Variants in CREB5 observed in about 807,000 individuals in gnomAD.
CREB5 encodes cAMP responsive element binding protein 5.
A neutral mutation model predicts 57.1 loss-of-function variants in CREB5; 19 were observed. The observed-to-expected ratio is 0.33, with a 90% confidence interval of 0.23 to 0.49. The LOEUF is 0.49. CREB5 is among the 20% of genes least tolerant of loss of function. The pLI is 0.99. For synonymous variants in CREB5, 238 were observed against 238.3 expected (o/e 1.00, Z 0.01); for missense variants, 579 against 671.6 (o/e 0.86, Z 1.52).
chr7:28,448,080 C>T (rs1402149787), intron 1 of CREB5, among the ~76,000 whole-genome samples: 1 of 152,128 alleles, frequency 6.6e-6, no homozygotes, highest in Non-Finnish European at 1.5e-5. Flanking sequence ...ATCTGGTGGG[C>T]ACAATCTAAT....
At chr7:28,389,040 C>G (rs568763764) in intron 1 of CREB5, among the ~76,000 whole-genome samples, 1 of 152,234 alleles carries the variant, frequency 6.6e-6, no homozygotes, top group African/African-American at 2.4e-5. Context: ...TGGAGAGGAA[C>G]TATTTGTAGT....
At chr7:28,572,037 T>A (rs1795725422) in intron 5 of CREB5, among the ~76,000 whole-genome samples, 1 of 152,204 alleles carries the variant, frequency 6.6e-6, no homozygotes, top group Admixed American at 6.5e-5. Flanking sequence ...TTCCCTCTTG[T>A]TTTTCGGTGT....
chr7:28,367,481 A>G (rs1280059693), intron 1 of CREB5, among the ~76,000 whole-genome samples: 1 of 152,124 alleles, frequency 6.6e-6, no homozygotes, highest in Non-Finnish European at 1.5e-5. Flanking sequence ...CTTTTTCATC[A>G]CTTCCTACAG....
intron 4 of CREB5, among the ~76,000 whole-genome samples, chr7:28,531,522 G>T (rs1583586293): frequency 6.6e-6 from 1 of 152,058 alleles, no homozygotes; most frequent in South Asian, 2.1e-4. Context: ...ACCCTCCTCC[G>T]GAATGACCTC....
Position 28,535,177 on chromosome 7 carries a change from G to A in CREB5, c.291+27440G>A, listed in dbSNP as rs545903579. 8.8e-4 allele frequency among the ~76,000 whole-genome samples: 125 copies of A among 141,950 alleles called. 17 individuals carry two copies. The Middle Eastern group carries it at 0.014, about 16-fold the overall frequency. The allele number at this position is 141,950 out of a possible 152,430, so 93.1% of individuals were successfully genotyped here. A position where few individuals can be genotyped will look rare whatever the true frequency, so the allele number is the denominator to read the frequency against. ...AAGGCAGCCTTACAAGGAAGGCTAG[G>A]TCGGGCCCAATTTGGTAACAGACTC... is the stretch of plus-strand genomic sequence containing the variant. On this transcript the variant is annotated intron_variant, in intron 4 of 10. Transcript: ENST00000357727.
chr7:28,481,723 G>A (rs1791340902), intron 1 of CREB5, among the ~76,000 whole-genome samples: 2 of 152,166 alleles, frequency 1.3e-5, no homozygotes, highest in South Asian at 2.1e-4. Flanking sequence ...CACCAGTAAC[G>A]CTGGTAAGAA....
At chr7:28,754,172 G>C (rs562947526) in intron 7 of CREB5, among the ~76,000 whole-genome samples, 2 of 152,192 alleles carry the variant, frequency 1.3e-5, no homozygotes. Flanking sequence ...AGAAGGGAGA[G>C]TGAGGTAAGA....
intron 6 of CREB5, among the ~76,000 whole-genome samples, chr7:28,720,136 C>T (rs1453705316): frequency 6.6e-6 from 1 of 152,126 alleles, no homozygotes; most frequent in Non-Finnish European, 1.5e-5. Flanking sequence ...ATATTTCTTT[C>T]CTTGCATGGA....
rs573547264 is a variant in CREB5 at position 28,429,626 on chromosome 7, GA to G, written c.3+16710del. On this transcript the variant is annotated intron_variant, in intron 1 of 10. Coordinates refer to ENST00000357727, the MANE Select transcript of CREB5 (RefSeq NM_182898.4). ...AATATTTGAGGAGGGACTGGGCTGT[GA>G]TTGGGGGTGGAATTATTGCTTGACT... 1.1e-4 allele frequency among the ~76,000 whole-genome samples: 16 copies of G among 152,286 alleles called. 1 individual carries two copies. In the South Asian group the frequency reaches 3.3e-3, roughly 32 times the overall value.
At chr7:28,715,553 C>G (rs780159112) in intron 5 of CREB5, among the ~76,000 whole-genome samples, 1 of 152,186 alleles carries the variant, frequency 6.6e-6, no homozygotes, top group African/African-American at 2.4e-5. Context: ...ACGATATGAG[C>G]ATTCTGGACA....
In CREB5 at chr7:28,725,297, T is replaced by C. The variant is rs965885681; in HGVS notation, c.702+965T>C. ...GGTGGAGTCAGACCCAGTGACTTCC[T>C]TTTCAATGTCAGCAAGAGTTTTCTC... On this transcript the variant is annotated intron_variant, in intron 7 of 10. Coordinates refer to ENST00000357727, the MANE Select transcript of CREB5 (RefSeq NM_182898.4). 4.6e-5 allele frequency among the ~76,000 whole-genome samples: 7 copies of C among 152,356 alleles called. No homozygotes were observed. The South Asian group carries it at 1.4e-3, about 32-fold the overall frequency.
At chr7:28,506,636 G>A (rs73077766) in intron 3 of CREB5, among the ~76,000 whole-genome samples, 13,923 of 152,162 alleles carry the variant, frequency 0.092, 1,015 homozygotes, top group East Asian at 0.35. Flanking sequence ...GCTTTCTTCC[G>A]TGGTCCTTTC....
At chr7:28,501,229 CT>C (rs1479525882) in intron 3 of CREB5, among the ~76,000 whole-genome samples, 1 of 152,152 alleles carries the variant, frequency 6.6e-6, no homozygotes, top group African/African-American at 2.4e-5. Flanking sequence ...CTCTGAACTA[CT>C]TTTTCTTATA....
chr7:28,716,627 A>G (rs2128745464), intron 5 of CREB5, among the ~76,000 whole-genome samples: 1 of 152,350 alleles, frequency 6.6e-6, no homozygotes, highest in Non-Finnish European at 1.5e-5. Context: ...ATTATTAAAC[A>G]TTATATATAC....
rs1268541355 is a variant in CREB5, at chr7:28,561,001, T to TGCGCGTGTGTGTGC, written c.292-9363_292-9362insCGCGTGTGTGTGCG. Among the ~76,000 whole-genome samples the TGCGCGTGTGTGTGC allele has an allele frequency of 7.9e-5, 2 of 25,260 alleles. 1 individual carries two copies. The highest frequency in any genetic ancestry group is 1.8e-4 in the Non-Finnish European group (2 of 10,962). 16.6% of individuals were successfully genotyped at this position (25,260 alleles called of 152,430 possible). On this transcript the variant is annotated intron_variant, in intron 4 of 10. Coordinates refer to ENST00000357727, the MANE Select transcript of CREB5 (RefSeq NM_182898.4). ...GTGTGCGTGCGTGTGTGTGCCTGCG[T>TGCGCGTGTGTGTGC]GTGCGTGTGTGTGTGCGTGTGTGCG...
intron 1 of CREB5, among the ~76,000 whole-genome samples, chr7:28,347,475 T>G (rs1391144546): frequency 6.6e-6 from 1 of 152,134 alleles, no homozygotes; most frequent in Admixed American, 6.5e-5. Context: ...ATGAAGTGAG[T>G]AAGCAGAGAG....
chr7:28,464,131 T>G (rs1790460793), intron 1 of CREB5, among the ~76,000 whole-genome samples: 1 of 152,182 alleles, frequency 6.6e-6, no homozygotes, highest in Non-Finnish European at 1.5e-5. Flanking sequence ...ATTATTATAT[T>G]GATTGGTTTT....
intron 5 of CREB5, among the ~76,000 whole-genome samples, chr7:28,649,191 A>T (rs1799029142): frequency 6.6e-6 from 1 of 152,260 alleles, no homozygotes; most frequent in Admixed American, 6.5e-5. Context: ...TTCCAAAGAA[A>T]GGAAGCCACC....
chr7:28,670,013 G>A lies in CREB5; in HGVS notation c.465-48740G>A, dbSNP rs139384161. Among the ~76,000 whole-genome samples the A allele has an allele frequency of 4.9e-4, 74 of 152,354 alleles. 1 individual carries two copies. Among genetic ancestry groups the A allele is most frequent in the African/African-American group, 1.6e-3 (67 of 41,584 alleles). On this transcript the variant is annotated intron_variant, in intron 5 of 10. Coordinates refer to ENST00000357727, the MANE Select transcript of CREB5 (RefSeq NM_182898.4). ...CGTGTTCTCATGTTCTCTGCCACAT[G>A]CGAGAGAAAGTAAAACGTTTTTGAG...
Sources: gnomAD v4.1 joint callset for allele counts (sites outside exome capture counted in the v4.1 genomes callset) on GRCh38, gnomAD v4.1.1 for gene constraint, MANE v1.5 for transcripts, NCBI Gene and HGNC (gene_info 2026-07-23, HGNC 2026-07-21) for gene names.